DHX15: variants seen among roughly 807,000 people sequenced by gnomAD.
The protein encoded by DHX15 is DEAH-box helicase 15.
A neutral mutation model predicts 94.4 loss-of-function variants in DHX15; 11 were observed. The ratio of observed to expected loss-of-function variants is 0.12; its 90% CI spans 0.07 to 0.19. DHX15 has a LOEUF of 0.19. Ranked by LOEUF, DHX15 falls within the 10% of genes least tolerant of loss-of-function variation. DHX15 has a pLI of 1.00. For synonymous variants in DHX15, 338 were observed against 329.9 expected, an observed-to-expected ratio of 1.02 and a Z score of -0.27; for missense variants, 304 against 988.5, an observed-to-expected ratio of 0.31 and a Z score of 9.29.
Position 24,555,351 on chromosome 4 carries a change from TAA to T in DHX15, c.862-410_862-409del, listed in dbSNP as rs1477708268. Among the ~76,000 whole-genome samples, 3 of 151,650 alleles carry T rather than the reference TAA, an allele frequency of 2.0e-5. No individual in the cohort carries two copies. The East Asian group carries it at 5.8e-4, about 29-fold the overall frequency. ...GACCAGATATAAAAAGGTTCCTCCATAAAAAGTTTCATAAGAGTTCTTAATTT... is the reference window on the plus strand; with the variant it reads ...GACCAGATATAAAAAGGTTCCTCCATAAAGTTTCATAAGAGTTCTTAATTT... On this transcript the variant is annotated intron_variant, in intron 4 of 13. Coordinates refer to ENST00000336812, the MANE Select transcript of DHX15 (RefSeq NM_001358.3).
At chr4:24,528,995 TAAAAATTAA>T (rs143592869) in intron 13 of DHX15, among the ~76,000 whole-genome samples, 31,007 of 151,512 alleles carry the variant, frequency 0.2, 3,421 homozygotes, top group East Asian at 0.39. Context: ...AAAGAAACTC[TAAAAATTAA>T]AAAAATTAAA....
intron 6 of DHX15, among the ~76,000 whole-genome samples, chr4:24,547,909 A>ATCTATATATCTATATATC (rs1447942034): frequency 1.1e-4 from 9 of 83,368 alleles, no homozygotes; most frequent in Admixed American, 9.3e-4. Flanking sequence ...ATGTGTATAT[A>ATCTATATATCTATATATC]TATATATATA....
At chr4:24,580,216 T>G (rs1054519326) in intron 1 of DHX15, among the ~76,000 whole-genome samples, 2 of 152,186 alleles carry the variant, frequency 1.3e-5, no homozygotes, top group South Asian at 4.1e-4. Context: ...GAGACCAGCC[T>G]GAGCAATACA....
At chr4:24,583,973 G>A (rs895285835) in intron 1 of DHX15, among the ~76,000 whole-genome samples, 1 of 152,146 alleles carries the variant, frequency 6.6e-6, no homozygotes, top group Non-Finnish European at 1.5e-5. Flanking sequence ...TCCGGCTCCA[G>A]GCCTTCCTCG....
At chr4:24,544,291 T>C (rs1207991096) in intron 6 of DHX15, among the ~76,000 whole-genome samples, 2 of 152,190 alleles carry the variant, frequency 1.3e-5, no homozygotes, top group Non-Finnish European at 1.5e-5. Context: ...AACACTTTCA[T>C]TTTCTGATTT....
At chr4:24,533,393 A>G (rs890939186) in intron 11 of DHX15, 1 of 344,860 alleles carries the variant, frequency 2.9e-6, no homozygotes, top group Admixed American at 4.0e-5. Flanking sequence ...TATTTGGTAA[A>G]AGTCATGGCC....
chr4:24,547,903 G>GTGTATATA (rs1721469206), intron 6 of DHX15, among the ~76,000 whole-genome samples: 1 of 70,734 alleles, frequency 1.4e-5, no homozygotes, highest in African/African-American at 6.1e-5. Flanking sequence ...GTATGTATGT[G>GTGTATATA]TATATATATA....
At chr4:24,536,906 A>C in intron 11 of DHX15, 145 bp downstream of exon 11, 1 of 922,702 alleles carries the variant, frequency 1.1e-6, no homozygotes. Flanking sequence ...TTCTATTTTA[A>C]ATGCTCGTCA....
intron 11 of DHX15, among the ~76,000 whole-genome samples, chr4:24,536,422 C>CA (rs1219040468): frequency 6.6e-6 from 1 of 152,094 alleles, no homozygotes; most frequent in Non-Finnish European, 1.5e-5. Context: ...AACATAAAAT[C>CA]AACTTTTCAT....
chr4:24,548,765 C>A, intron 6 of DHX15, 90 bp downstream of exon 6: 1 of 1,228,822 alleles, frequency 8.1e-7, no homozygotes, highest in Non-Finnish European at 1.1e-6. Context: ...ATCACAATCA[C>A]CCATAACTTA....
At chr4:24,530,165 A>T (rs1721045669) in intron 12 of DHX15, 3 of 260,008 alleles carry the variant, frequency 1.2e-5, no homozygotes, top group Non-Finnish European at 2.2e-5. Context: ...GGTAGTTTTG[A>T]CAAGGACTTC....
chr4:24,551,549 T>C (rs1295975489), intron 5 of DHX15, among the ~76,000 whole-genome samples: 1 of 152,170 alleles, frequency 6.6e-6, no homozygotes, highest in African/African-American at 2.4e-5. Context: ...GATCCTCCTT[T>C]GAAATCTCAA....
intron 6 of DHX15, among the ~76,000 whole-genome samples, chr4:24,547,322 C>T (rs1018161367): frequency 1.3e-5 from 2 of 152,196 alleles, no homozygotes; most frequent in African/African-American, 4.8e-5. Context: ...CCAGCTGTGG[C>T]CATCATCACA....
intron 1 of DHX15, among the ~76,000 whole-genome samples, chr4:24,577,051 T>C (rs1722284912): frequency 6.6e-6 from 1 of 152,222 alleles, no homozygotes; most frequent in Non-Finnish European, 1.5e-5. Flanking sequence ...CTTTCTCAAA[T>C]TCTCCTTCAA....
In DHX15 at chr4:24,584,364, C is replaced by T. The variant is rs1169782316; in HGVS notation, c.30G>A (p.Gly10=). The T allele has an allele frequency of 2.5e-6, 4 of 1,613,090 alleles. No individual in the cohort carries two copies. The highest frequency in any genetic ancestry group is 2.2e-5 in the South Asian group (2 of 90,952). MSKRHRLDL[G]EDYPSGKKRA... ...GCTTCTTGCCAGAGGGGTAATCCTC[C>T]CCTAGGTCCAACCGGTGCCGCTTGG... The change falls in exon 1 of 14, where the codon GGG becomes GGA. Residue 10 remains glycine (G), a synonymous_variant. Coordinates refer to ENST00000336812, the MANE Select transcript of DHX15 (RefSeq NM_001358.3).
chr4:24,568,389 C>T (rs1722043082), intron 3 of DHX15, among the ~76,000 whole-genome samples: 2 of 152,108 alleles, frequency 1.3e-5, no homozygotes, highest in Non-Finnish European at 2.9e-5. Context: ...TTAAAGGCAA[C>T]ACCAGGTTAG....
rs544344578 is a variant in DHX15, at chr4:24,576,603, T to C, written c.147A>G (p.Arg49=). ...CCTTTTCTTTCTCCCTCTCTCGCTC[T>C]CTATCTCCTCTATCACGTTCTCGGT... is the stretch of plus-strand genomic sequence containing the variant. ...DRDRERDRGD[R]EREREKEKEK... is the part of the protein sequence containing the mutation. The change falls in exon 2 of 14, where the codon AGA becomes AGG. Residue 49 remains arginine (R), a synonymous_variant. Coordinates refer to ENST00000336812, the MANE Select transcript of DHX15 (RefSeq NM_001358.3). The C allele has an allele frequency of 1.9e-6, 3 of 1,614,078 alleles. No homozygotes were observed. The South Asian group carries it at 3.3e-5, about 18-fold the overall frequency.
At chr4:24,566,897 C>T (rs1235925050) in intron 3 of DHX15, among the ~76,000 whole-genome samples, 1 of 152,168 alleles carries the variant, frequency 6.6e-6, no homozygotes, top group Non-Finnish European at 1.5e-5. Context: ...TTCATATAAA[C>T]ACCCATATTC....
At chr4:24,539,901 TATCTTTTGTGCACA>T (rs1212788737) in intron 10 of DHX15, 193 bp downstream of exon 10, 1 of 375,822 alleles carries the variant, frequency 2.7e-6, no homozygotes, top group African/African-American at 2.1e-5. Context: ...ATGCTTTACT[TATCTTTTGTGCACA>T]ATGACTTACT....
Sources: allele counts gnomAD v4.1 joint callset (sites outside exome capture counted in the v4.1 genomes callset), GRCh38; gene constraint gnomAD v4.1.1; transcripts MANE v1.5; gene names NCBI Gene and HGNC (gene_info 2026-07-23, HGNC 2026-07-21).